The following GABPB1 variants were observed in gnomAD, a reference collection of about 807,000 sequenced individuals.
GABPB1 encodes the protein GA-binding protein subunit beta-1.
GABPB1 carries 15 observed loss-of-function variants against 45.9 expected under a neutral mutation model. The ratio of observed to expected loss-of-function variants is 0.33; its 90% CI spans 0.22 to 0.50. The LOEUF (loss-of-function observed/expected upper bound fraction) is 0.50, where lower values mean the gene tolerates loss of function less well. GABPB1 is among the 20% of genes least tolerant of loss of function. The pLI is 0.98. For synonymous variants in GABPB1, 143 were observed against 154.4 expected (o/e 0.93, Z 0.55); for missense variants, 252 against 457.5 (o/e 0.55, Z 4.10).
chr15:50,342,467 A>G (rs1472253679), intron 1 of GABPB1, among the ~76,000 whole-genome samples: 1 of 152,232 alleles, frequency 6.6e-6, no homozygotes, highest in Non-Finnish European at 1.5e-5. Context: ...GCATTATTAT[A>G]AACACTGTAA....
intron 1 of GABPB1, among the ~76,000 whole-genome samples, chr15:50,345,222 G>C (rs149945257): frequency 5.3e-5 from 8 of 152,270 alleles, no homozygotes; most frequent in South Asian, 2.1e-4. Context: ...AGTGGAAATA[G>C]TAACACATAT....
At chr15:50,332,216 C>T (rs2047972953) in intron 1 of GABPB1, among the ~76,000 whole-genome samples, 1 of 151,996 alleles carries the variant, frequency 6.6e-6, no homozygotes, top group African/African-American at 2.4e-5. Flanking sequence ...TTGCTGCCTT[C>T]TTTCCCCTCA....
chr15:50,340,888 ATATTACATATGGTT>A (rs2048338073), intron 1 of GABPB1, among the ~76,000 whole-genome samples: 1 of 16,730 alleles, frequency 6.0e-5, no homozygotes, highest in South Asian at 1.2e-3. Context: ...GTAATATTAC[ATATTACATATGGTT>A]TATTACCATA....
chr15:50,283,451 A>G (rs898646092), intron 8 of GABPB1, among the ~76,000 whole-genome samples: 10 of 151,966 alleles, frequency 6.6e-5, no homozygotes, highest in Admixed American at 6.6e-4. Flanking sequence ...TAATTTTTCC[A>G]GAGACTCTTG....
chr15:50,338,489 T>C (rs922272664), intron 1 of GABPB1, among the ~76,000 whole-genome samples: 3 of 152,180 alleles, frequency 2.0e-5, no homozygotes, highest in African/African-American at 7.2e-5. Context: ...TCAAAGAGAT[T>C]TGTTTTTGTT....
At chr15:50,314,165 C>T (rs28592175) in intron 1 of GABPB1, among the ~76,000 whole-genome samples, 8 of 150,850 alleles carry the variant, frequency 5.3e-5, no homozygotes, top group South Asian at 2.1e-4. Context: ...TACAGCCATA[C>T]GGTAGATTTA....
chr15:50,339,946 C>T (rs1216025053), intron 1 of GABPB1, among the ~76,000 whole-genome samples: 1 of 152,178 alleles, frequency 6.6e-6, no homozygotes, highest in Non-Finnish European at 1.5e-5. Flanking sequence ...TTCCCTCTGC[C>T]TCATCTTCTA....
At chr15:50,289,767 C>A in intron 6 of GABPB1, 99 bp from the exon 7 acceptor site, 4 of 701,834 alleles carry the variant, frequency 5.7e-6, no homozygotes, top group Non-Finnish European at 8.7e-6. Context: ...ATGCTTCTTT[C>A]TTTTCTTTTT....
At chr15:50,346,360 A>AT (rs1463218095) in intron 1 of GABPB1, 1 of 152,210 alleles carries the variant, frequency 6.6e-6, no homozygotes, top group Non-Finnish European at 1.5e-5. Context: ...AGAAATCTTC[A>AT]TAATTACTCA....
chr15:50,337,030 G>A (rs2048154001), intron 1 of GABPB1, among the ~76,000 whole-genome samples: 1 of 146,148 alleles, frequency 6.8e-6, no homozygotes, highest in Non-Finnish European at 1.5e-5. Flanking sequence ...GGACAAAAGA[G>A]TGAGACCTTG....
chr15:50,315,113 TC>T, intron 1 of GABPB1, among the ~76,000 whole-genome samples: 1 of 152,316 alleles, frequency 6.6e-6, no homozygotes, highest in African/African-American at 2.4e-5. Flanking sequence ...ATTATGCAGA[TC>T]AGTAACATTA....
At chr15:50,291,251 T>C (rs2046332767) in intron 6 of GABPB1, among the ~76,000 whole-genome samples, 1 of 152,174 alleles carries the variant, frequency 6.6e-6, no homozygotes, top group Non-Finnish European at 1.5e-5. Flanking sequence ...TATAAACATT[T>C]CTGTACATTA....
rs951610550 is a variant in GABPB1, at chr15:50,354,692, G to T, written c.-1+293C>A. The T allele has an allele frequency of 2.4e-5, 9 of 373,300 alleles. No homozygotes were observed. The Admixed American group carries it at 2.9e-4, about 12-fold the overall frequency. 23.1% of individuals were successfully genotyped at this position (373,300 alleles called of 1,614,324 possible). On this transcript the variant is annotated intron_variant, in intron 1 of 8. Coordinates refer to ENST00000380877, the MANE Select transcript of GABPB1 (RefSeq NM_016654.5). ...AGCCGGGTAGCCGCGAGGCGGCCGCGGCATGCTAGGGCCGAGGAGGGGGCG... is the reference window on the plus strand; with the variant it reads ...AGCCGGGTAGCCGCGAGGCGGCCGCTGCATGCTAGGGCCGAGGAGGGGGCG...
At chr15:50,282,371 C>A (rs898982003) in intron 8 of GABPB1, 2 of 435,784 alleles carry the variant, frequency 4.6e-6, no homozygotes, top group South Asian at 3.2e-5. Context: ...CCAGCCTGGG[C>A]AACATAGCAA....
At chr15:50,324,528 A>G (rs1244937754) in intron 1 of GABPB1, among the ~76,000 whole-genome samples, 1 of 146,762 alleles carries the variant, frequency 6.8e-6, no homozygotes, top group African/African-American at 2.5e-5. Context: ...AATGCTCCCA[A>G]TGTCTCCGTG....
At chr15:50,315,594 G>A (rs2047296407) in intron 1 of GABPB1, among the ~76,000 whole-genome samples, 1 of 152,202 alleles carries the variant, frequency 6.6e-6, no homozygotes, top group Non-Finnish European at 1.5e-5. Context: ...AAGATAATTA[G>A]TAAAGTTTTA....
At chr15:50,280,030 C>T (rs2045926030) in intron 8 of GABPB1, among the ~76,000 whole-genome samples, 1 of 152,228 alleles carries the variant, frequency 6.6e-6, no homozygotes, top group Admixed American at 6.5e-5. Flanking sequence ...TCTGTGATTC[C>T]ACTTCCTTCC....
At chr15:50,351,948 A>G (rs1293960292) in intron 1 of GABPB1, 5 of 152,186 alleles carry the variant, frequency 3.3e-5, no homozygotes. Flanking sequence ...AAACCATACT[A>G]GTTGTTGGGG....
At chr15:50,294,700 G>T (rs1346856075) in intron 6 of GABPB1, among the ~76,000 whole-genome samples, 2 of 152,012 alleles carry the variant, frequency 1.3e-5, no homozygotes, top group African/African-American at 4.8e-5. Flanking sequence ...CCCTATTTTT[G>T]ATATAGACCA....
Sources: allele counts gnomAD v4.1 joint callset (sites outside exome capture counted in the v4.1 genomes callset), GRCh38; gene constraint gnomAD v4.1.1; transcripts MANE v1.5; gene names NCBI Gene and HGNC (gene_info 2026-07-23, HGNC 2026-07-21).